CSMD1: variants seen among roughly 807,000 people sequenced by gnomAD.
CSMD1 encodes the protein CUB and Sushi multiple domains 1.
CSMD1 carries 213 observed loss-of-function variants against 417.5 expected under a neutral mutation model. The ratio of observed to expected loss-of-function variants is 0.51; its 90% CI spans 0.46 to 0.57. The LOEUF is 0.57. Among genes scored for constraint, CSMD1 ranks in the 20% least tolerant of loss-of-function variants. CSMD1 has a pLI of 0.00. For missense variants in CSMD1, 6,923 were observed against 4,529.7 expected (o/e 1.53, Z -15.17); for synonymous variants, 2,862 against 1,736.8 (o/e 1.65, Z -16.11).
chr8:3,635,593 C>T (rs1292778685), intron 7 of CSMD1, among the ~76,000 whole-genome samples: 1 of 150,988 alleles, frequency 6.6e-6, no homozygotes, highest in African/African-American at 2.4e-5. Context: ...ACGCCATTCT[C>T]CTGCGTCAAC....
chr8:4,920,983 AAAG>A (rs775757300), intron 1 of CSMD1, among the ~76,000 whole-genome samples: 2,587 of 13,358 alleles, frequency 0.19, 417 homozygotes, highest in South Asian at 0.26. Context: ...AGAAAGAAAC[AAAG>A]AAAGAAAGAA....
Position 3,854,762 on chromosome 8 carries a change from A to C in CSMD1, c.819-100720T>G, listed in dbSNP as rs540141842. ...CAGAGGGGGTAAAAAAGAAAAAAAA[A>C]AGATCGATTAAGAAGTGGTGATCAA... On this transcript the variant is annotated intron_variant, in intron 5 of 69. Coordinates refer to ENST00000635120, the MANE Select transcript of CSMD1 (RefSeq NM_033225.6). Among the ~76,000 whole-genome samples the C allele has an allele frequency of 6.6e-5, 10 of 152,008 alleles. No individual in the cohort carries two copies. The South Asian group carries it at 1.9e-3, about 29-fold the overall frequency.
At chr8:3,271,360 G>C (rs1801841692) in intron 26 of CSMD1, among the ~76,000 whole-genome samples, 1 of 151,810 alleles carries the variant, frequency 6.6e-6, no homozygotes, top group African/African-American at 2.4e-5. Flanking sequence ...CCAAGTCTTT[G>C]CTATTGTGAA....
intron 3 of CSMD1, among the ~76,000 whole-genome samples, chr8:4,390,154 C>G (rs1356856209): frequency 2.0e-5 from 3 of 152,102 alleles, no homozygotes; most frequent in African/African-American, 7.2e-5. Context: ...CATTGTCATC[C>G]CATTGTGTTT....
intron 3 of CSMD1, among the ~76,000 whole-genome samples, chr8:4,355,375 CAAA>C (rs1245251744): frequency 6.6e-6 from 1 of 151,776 alleles, no homozygotes. Flanking sequence ...CAAAACTCTA[CAAA>C]AATGACGCGT....
rs779824340 is a variant in CSMD1, at chr8:3,997,892, C to A, written c.818+11G>T. ...CCTGTATCCTTTGTGGCATCTCTTCCCGGGACTTACCATATGGATGGAGCT... is the reference window on the plus strand; with the variant it reads ...CCTGTATCCTTTGTGGCATCTCTTCACGGGACTTACCATATGGATGGAGCT... On this transcript the variant is annotated intron_variant, in intron 5 of 69. Coordinates refer to ENST00000635120, the MANE Select transcript of CSMD1 (RefSeq NM_033225.6). 2 of 1,608,222 alleles carry A rather than the reference C, an allele frequency of 1.2e-6. No individual in the cohort carries two copies. Among genetic ancestry groups the A allele is most frequent in the Non-Finnish European group, 1.7e-6 (2 of 1,176,884 alleles).
At chr8:3,730,178 C>G (rs1470891580) in intron 6 of CSMD1, among the ~76,000 whole-genome samples, 1 of 152,048 alleles carries the variant, frequency 6.6e-6, no homozygotes, top group Admixed American at 6.5e-5. Context: ...CCCCCAAAAT[C>G]ATGTCTCCAA....
rs972627579 is a variant in CSMD1, at chr8:3,150,742, C to T, written c.6031+655G>A. Among the ~76,000 whole-genome samples the T allele has an allele frequency of 7.2e-5, 11 of 151,832 alleles. No individual in the cohort carries two copies. In the South Asian group the frequency reaches 8.3e-4, roughly 11 times the overall value. ...AGACTCAAATAAATGAACTAAAATA[C>T]GAAGGAAACCAGGAGGCAGACAGGG... On this transcript the variant is annotated intron_variant, in intron 40 of 69. Transcript: ENST00000635120.
At chr8:3,531,726 C>A (rs1470616948) in intron 10 of CSMD1, among the ~76,000 whole-genome samples, 7 of 152,132 alleles carry the variant, frequency 4.6e-5, no homozygotes, top group African/African-American at 1.4e-4. Context: ...ACAAAAAAAC[C>A]CCAAGAAATC....
At chr8:3,556,186 C>T in intron 10 of CSMD1, among the ~76,000 whole-genome samples, 1 of 151,700 alleles carries the variant, frequency 6.6e-6, no homozygotes, top group East Asian at 1.9e-4. Context: ...AAACATGTAA[C>T]ACTTAATTAT....
chr8:4,417,116 T>C (rs1796983100), intron 3 of CSMD1, among the ~76,000 whole-genome samples: 1 of 152,222 alleles, frequency 6.6e-6, no homozygotes, highest in East Asian at 1.9e-4. Flanking sequence ...TTAATTTGAA[T>C]ATATACACTT....
intron 1 of CSMD1, among the ~76,000 whole-genome samples, chr8:4,723,640 T>C (rs1239645810): frequency 6.6e-6 from 1 of 152,118 alleles, no homozygotes; most frequent in Non-Finnish European, 1.5e-5. Flanking sequence ...GTTTAGCTAA[T>C]GACCTTACAT....
intron 2 of CSMD1, among the ~76,000 whole-genome samples, chr8:4,547,152 C>T (rs577120526): frequency 2.0e-5 from 3 of 152,254 alleles, no homozygotes; most frequent in East Asian, 3.9e-4. Context: ...ATCAGACCTG[C>T]TGTTTTCTGT....
At chr8:3,554,806 T>G (rs1799071753) in intron 10 of CSMD1, among the ~76,000 whole-genome samples, 1 of 152,048 alleles carries the variant, frequency 6.6e-6, no homozygotes, top group African/African-American at 2.4e-5. Context: ...TTCAACAGTG[T>G]GTCAAGTGAG....
intron 1 of CSMD1, among the ~76,000 whole-genome samples, chr8:4,758,230 G>A (rs1811797590): frequency 6.6e-6 from 1 of 152,086 alleles, no homozygotes; most frequent in South Asian, 2.1e-4. Flanking sequence ...CTTTATCTGG[G>A]TAAGGAGGAA....
rs534258476 is a variant in CSMD1 at position 3,965,614 on chromosome 8, A to T, written c.818+32289T>A. Among the ~76,000 whole-genome samples, 374 of 151,838 alleles carry T rather than the reference A, an allele frequency of 2.5e-3. 1 individual carries two copies. Among genetic ancestry groups the T allele is most frequent in the African/African-American group, 8.5e-3 (350 of 41,412 alleles). ...TTATGATTTTTTAAAATTTCTTTTT[A>T]TTTATTTATTTATTTATTTTTGAAA... is the stretch of plus-strand genomic sequence containing the variant. On this transcript the variant is annotated intron_variant, in intron 5 of 69. Transcript: ENST00000635120.
intron 3 of CSMD1, among the ~76,000 whole-genome samples, chr8:4,176,333 T>C (rs545774128): frequency 2.8e-4 from 42 of 152,302 alleles, no homozygotes; most frequent in Admixed American, 5.9e-4. Context: ...GACGTCAACC[T>C]TTTAAATTGA....
chr8:2,982,127 G>C (rs900998689), intron 54 of CSMD1, among the ~76,000 whole-genome samples: 24 of 152,234 alleles, frequency 1.6e-4, no homozygotes, highest in South Asian at 1.0e-3. Context: ...AGGCCAAGGT[G>C]GGCAGATCAT....
At position 4,478,301 on chromosome 8, in the gene CSMD1, G is replaced by T. The variant is rs143773139; in HGVS notation, c.303-58236C>A. Among the ~76,000 whole-genome samples, 738 of 152,236 alleles carry T rather than the reference G, an allele frequency of 4.8e-3. 5 individuals are homozygous for T. Among genetic ancestry groups the T allele is most frequent in the African/African-American group, 0.015 (634 of 41,542 alleles). ...TGAAAATAGTAAAAAGCAACTCAAA[G>T]CAACATGAGTTGCCTCATGTGACAG... On this transcript the variant is annotated intron_variant, in intron 2 of 69. Transcript: ENST00000635120.
Sources: allele counts gnomAD v4.1 joint callset (sites outside exome capture counted in the v4.1 genomes callset), GRCh38; gene constraint gnomAD v4.1.1; transcripts MANE v1.5; gene names NCBI Gene and HGNC (gene_info 2026-07-23, HGNC 2026-07-21).